CTNNA3: variants seen among roughly 807,000 people sequenced by gnomAD.
The protein encoded by CTNNA3 is catenin alpha-3.
In CTNNA3, 76 loss-of-function variants were observed where a neutral mutation model predicts 95.7. The ratio of observed to expected loss-of-function variants is 0.79; its 90% CI spans 0.66 to 0.96. The LOEUF (loss-of-function observed/expected upper bound fraction) is 0.96. Among genes scored for constraint, CTNNA3 ranks in the 40% least tolerant of loss-of-function variants. The pLI is 0.00. For synonymous variants in CTNNA3, 431 were observed against 374.4 expected (o/e 1.15, Z -1.74); for missense variants, 1,191 against 1,089.8 (o/e 1.09, Z -1.31).
rs1471161608 is a variant in CTNNA3, at chr10:65,918,016, T to C, written c.*2314A>G. The C allele has an allele frequency of 6.6e-6, 1 of 152,178 alleles. No individual in the cohort carries two copies. The highest frequency in any genetic ancestry group is 2.4e-5 in the African/African-American group (1 of 41,450). 9.4% of individuals were successfully genotyped at this position (152,178 alleles called of 1,614,324 possible). A position where few individuals can be genotyped will look rare whatever the true frequency, so the allele number is the denominator to read the frequency against. ...AGCAGATTAACTCCTAGGATATTCA[T>C]TGAGTTAAAATTTTTATTGTTTTAT... On this transcript the variant is annotated 3_prime_UTR_variant, in exon 18 of 18. Coordinates refer to ENST00000433211, the MANE Select transcript of CTNNA3 (RefSeq NM_013266.4).
chr10:66,711,807 T>A (rs1043026282), intron 9 of CTNNA3, among the ~76,000 whole-genome samples: 4 of 152,094 alleles, frequency 2.6e-5, no homozygotes, highest in African/African-American at 9.7e-5. Context: ...CTGACCTTGG[T>A]GATCTGCTCG....
At chr10:66,441,256 G>A (rs1408112768) in intron 11 of CTNNA3, among the ~76,000 whole-genome samples, 1 of 152,084 alleles carries the variant, frequency 6.6e-6, no homozygotes, top group African/African-American at 2.4e-5. Flanking sequence ...ATACAAGAAA[G>A]TAAAATTGTA....
chr10:66,632,050 A>G (rs1845155360), intron 9 of CTNNA3, among the ~76,000 whole-genome samples: 1 of 152,126 alleles, frequency 6.6e-6, no homozygotes, highest in African/African-American at 2.4e-5. Context: ...ATATCTATAG[A>G]TGTATTAAAT....
chr10:67,247,413 T>C (rs1286784733), intron 5 of CTNNA3, among the ~76,000 whole-genome samples: 1 of 151,880 alleles, frequency 6.6e-6, no homozygotes, highest in Non-Finnish European at 1.5e-5. Flanking sequence ...TAAAATAGCA[T>C]CAAAACATAA....
chr10:66,618,119 G>C (rs1350073107), intron 10 of CTNNA3, among the ~76,000 whole-genome samples: 2 of 152,114 alleles, frequency 1.3e-5, no homozygotes, highest in African/African-American at 4.8e-5. Context: ...TCAATATTGT[G>C]AAAATGGCAT....
At chr10:66,869,534 CT>C (rs1382650691) in intron 7 of CTNNA3, among the ~76,000 whole-genome samples, 1 of 152,044 alleles carries the variant, frequency 6.6e-6, no homozygotes, top group Admixed American at 6.6e-5. Context: ...GATCATGCCA[CT>C]GCACTGCAGC....
chr10:66,126,105 A>T (rs2133831992), intron 13 of CTNNA3, among the ~76,000 whole-genome samples: 1 of 152,316 alleles, frequency 6.6e-6, no homozygotes, highest in Admixed American at 6.5e-5. Flanking sequence ...TGGGGTATGG[A>T]GAGGGAAAAG....
At chr10:66,458,591 C>T (rs1352249288) in intron 11 of CTNNA3, among the ~76,000 whole-genome samples, 1 of 152,078 alleles carries the variant, frequency 6.6e-6, no homozygotes, top group Non-Finnish European at 1.5e-5. Context: ...TCCATTCTCC[C>T]CTCCCCAGAT....
intron 14 of CTNNA3, among the ~76,000 whole-genome samples, chr10:66,102,097 G>T (rs545276024): frequency 6.6e-6 from 1 of 152,022 alleles, no homozygotes; most frequent in Non-Finnish European, 1.5e-5. Flanking sequence ...CAGAGTATGC[G>T]CCAGCCTTTC....
At chr10:66,674,801 T>C (rs974247349) in intron 9 of CTNNA3, among the ~76,000 whole-genome samples, 3 of 152,050 alleles carry the variant, frequency 2.0e-5, no homozygotes, top group Non-Finnish European at 2.9e-5. Flanking sequence ...CCACCTTTGA[T>C]GTCATGAAAT....
chr10:67,420,545 A>G (rs1378100740), intron 5 of CTNNA3, among the ~76,000 whole-genome samples: 1 of 152,142 alleles, frequency 6.6e-6, no homozygotes, highest in Non-Finnish European at 1.5e-5. Context: ...CATCAGAGGG[A>G]TTTTAGGAGG....
intron 7 of CTNNA3, among the ~76,000 whole-genome samples, chr10:66,938,391 A>G (rs573056286): frequency 1.6e-3 from 242 of 152,276 alleles, no homozygotes; most frequent in Non-Finnish European, 2.5e-3. Context: ...GTCAACCCAT[A>G]TTTTATATAT....
chr10:66,222,681 A>AAGGGAGGG lies in CTNNA3; in HGVS notation c.1884+57788_1884+57789insCCCTCCCT, dbSNP rs1440894771. Among the ~76,000 whole-genome samples the AAGGGAGGG allele has an allele frequency of 6.7e-3, 1,013 of 150,438 alleles. 8 individuals carry two copies. Among genetic ancestry groups the AAGGGAGGG allele is most frequent in the East Asian group, 0.028 (139 of 5,040 alleles). On this transcript the variant is annotated intron_variant, in intron 13 of 17. Coordinates refer to ENST00000433211, the MANE Select transcript of CTNNA3 (RefSeq NM_013266.4). ...AGAGTAAGGAAGGGAGGGATGGAGG[A>AAGGGAGGG]AGGAAGGGAGGGAGGAAGGAAAGGG...
chr10:67,692,509 G>A (rs1256720479), intron 1 of CTNNA3, among the ~76,000 whole-genome samples: 50 of 137,044 alleles, frequency 3.6e-4, no homozygotes, highest in African/African-American at 1.2e-3. Flanking sequence ...GGCGGTGCAA[G>A]ATGTGCTTTG....
At chr10:66,437,209 T>C (rs148013322) in intron 11 of CTNNA3, among the ~76,000 whole-genome samples, 2,318 of 152,236 alleles carry the variant, frequency 0.015, 76 homozygotes, top group African/African-American at 0.053. Context: ...GTGTTCTCTG[T>C]ATTTCCTAAA....
At chr10:67,435,278 C>G (rs1846263584) in intron 5 of CTNNA3, among the ~76,000 whole-genome samples, 1 of 151,952 alleles carries the variant, frequency 6.6e-6, no homozygotes, top group South Asian at 2.1e-4. Context: ...CAAACTCAAA[C>G]ATCCATACAT....
intron 7 of CTNNA3, among the ~76,000 whole-genome samples, chr10:67,032,940 G>C (rs991195356): frequency 1.3e-5 from 2 of 152,106 alleles, no homozygotes; most frequent in Admixed American, 1.3e-4. Context: ...CATGGAATCT[G>C]AAGTGATTCA....
At chr10:66,537,356 G>T (rs1284997973) in intron 10 of CTNNA3, among the ~76,000 whole-genome samples, 1 of 151,964 alleles carries the variant, frequency 6.6e-6, no homozygotes, top group Non-Finnish European at 1.5e-5. Context: ...CAATATGTTT[G>T]AATACAAACA....
At chr10:66,330,996 A>T (rs1399947616) in intron 12 of CTNNA3, among the ~76,000 whole-genome samples, 1 of 151,802 alleles carries the variant, frequency 6.6e-6, no homozygotes, top group African/African-American at 2.4e-5. Flanking sequence ...GATGGCAAAA[A>T]TTTTCTCCCA....
Sources: gnomAD v4.1 joint callset for allele counts (sites outside exome capture counted in the v4.1 genomes callset) on GRCh38, gnomAD v4.1.1 for gene constraint, MANE v1.5 for transcripts, NCBI Gene and HGNC (gene_info 2026-07-23, HGNC 2026-07-21) for gene names.